ASZ1: variants seen among roughly 807,000 people sequenced by gnomAD.
The protein encoded by ASZ1 is ankyrin repeat, SAM and basic leucine zipper domain containing 1.
A neutral mutation model predicts 61.8 loss-of-function variants in ASZ1; 67 were observed. The observed-to-expected ratio is 1.08, with a 90% confidence interval of 0.89 to 1.33. The LOEUF (loss-of-function observed/expected upper bound fraction) is 1.33. Ranked by LOEUF, ASZ1 falls within the 40% of genes most tolerant of loss-of-function variation. The pLI is 0.00. For synonymous variants in ASZ1, 193 were observed against 192.7 expected (o/e 1.00, Z -0.01); for missense variants, 577 against 554.5 (o/e 1.04, Z -0.41).
Position 117,405,137 on chromosome 7 carries a change from C to T in ASZ1, c.440+15026G>A, listed in dbSNP as rs1343889311. Among the ~76,000 whole-genome samples the T allele has an allele frequency of 2.6e-5, 4 of 152,130 alleles. No homozygotes were observed. In the East Asian group the frequency reaches 7.8e-4, roughly 30 times the overall value. On this transcript the variant is annotated intron_variant, in intron 4 of 12. Transcript: ENST00000284629. ...ACCTCTATGGACTCATCCCAGTCCT[C>T]TTCCTCCTTCCCACTAGAGCTCTCC...
intron 6 of ASZ1, among the ~76,000 whole-genome samples, chr7:117,383,562 A>C (rs1261062325): frequency 6.6e-6 from 1 of 152,028 alleles, no homozygotes; most frequent in Non-Finnish European, 1.5e-5. Context: ...GTGGCAAGAG[A>C]GTAATGAGCA....
At chr7:117,409,878 A>C (rs1475142054) in intron 4 of ASZ1, among the ~76,000 whole-genome samples, 4 of 151,760 alleles carry the variant, frequency 2.6e-5, no homozygotes, top group African/African-American at 7.2e-5. Context: ...GATTAGAATT[A>C]AGGAATGGAT....
intron 3 of ASZ1, among the ~76,000 whole-genome samples, chr7:117,421,298 G>T (rs1383167151): frequency 6.6e-6 from 1 of 151,800 alleles, no homozygotes; most frequent in Non-Finnish European, 1.5e-5. Flanking sequence ...CTGCAACCTC[G>T]AACTCCTGGG....
At chr7:117,394,193 C>T (rs995102129) in intron 4 of ASZ1, among the ~76,000 whole-genome samples, 1 of 152,108 alleles carries the variant, frequency 6.6e-6, no homozygotes, top group Non-Finnish European at 1.5e-5. Context: ...CAGCCTTGAC[C>T]TCCTGGGCTC....
At chr7:117,414,477 A>G (rs952220119) in intron 4 of ASZ1, among the ~76,000 whole-genome samples, 19 of 152,286 alleles carry the variant, frequency 1.2e-4, no homozygotes, top group African/African-American at 4.3e-4. Flanking sequence ...TCAAATGATA[A>G]AAATTTAATT....
At chr7:117,365,551 A>T (rs1211448703) in intron 12 of ASZ1, among the ~76,000 whole-genome samples, 3 of 152,240 alleles carry the variant, frequency 2.0e-5, no homozygotes, top group African/African-American at 7.2e-5. Context: ...ATAACCCTGA[A>T]GCAAATAGCT....
intron 10 of ASZ1, among the ~76,000 whole-genome samples, chr7:117,379,458 C>A (rs1018138733): frequency 9.9e-5 from 15 of 151,244 alleles, no homozygotes; most frequent in African/African-American, 3.4e-4. Context: ...TATTAATAAC[C>A]ATTGCTTGAC....
chr7:117,400,156 A>G (rs143417897), intron 4 of ASZ1, among the ~76,000 whole-genome samples: 2 of 152,348 alleles, frequency 1.3e-5, no homozygotes, highest in South Asian at 2.1e-4. Context: ...GGTATTATCT[A>G]ATCTTTTTAA....
intron 4 of ASZ1, 101 bp from the exon 5 acceptor site, chr7:117,385,910 A>G: frequency 1.1e-6 from 1 of 897,596 alleles, no homozygotes. Context: ...CTGCTTTGAA[A>G]ACGAAAAGAA....
intron 12 of ASZ1, among the ~76,000 whole-genome samples, chr7:117,366,761 G>T (rs891074779): frequency 2.0e-5 from 3 of 151,988 alleles, no homozygotes; most frequent in African/African-American, 7.2e-5. Flanking sequence ...AATTACAGGG[G>T]TATTTCATCC....
At chr7:117,386,691 T>A (rs773757853) in intron 4 of ASZ1, among the ~76,000 whole-genome samples, 2 of 152,126 alleles carry the variant, frequency 1.3e-5, no homozygotes, top group Non-Finnish European at 1.5e-5. Flanking sequence ...ACCAAGAAAG[T>A]TTTTATTGGT....
rs188704425 is a variant in ASZ1 at position 117,378,677 on chromosome 7, C to T, written c.1055+1261G>A. Among the ~76,000 whole-genome samples, 148 of 152,064 alleles carry T rather than the reference C, an allele frequency of 9.7e-4. 5 individuals are homozygous for T. Among genetic ancestry groups the T allele is most frequent in the Admixed American group, 8.2e-3 (125 of 15,266 alleles). On this transcript the variant is annotated intron_variant, in intron 10 of 12. Coordinates refer to ENST00000284629, the MANE Select transcript of ASZ1 (RefSeq NM_130768.3). The stretch of plus-strand genomic sequence containing the variant: ...ACAACCTAACAATTGTCCTCTTTGG[C>T]ATTTATCCCAGAGAAAGAAAATGTA...
chr7:117,389,649 C>T (rs922675203), intron 4 of ASZ1, among the ~76,000 whole-genome samples: 1 of 152,100 alleles, frequency 6.6e-6, no homozygotes, highest in Non-Finnish European at 1.5e-5. Flanking sequence ...TCTGGACAGG[C>T]AATTTCTCAA....
At chr7:117,385,968 CAAGT>C (rs1206300665) in intron 4 of ASZ1, among the ~76,000 whole-genome samples, 159 bp from the exon 5 acceptor site, 4 of 152,164 alleles carry the variant, frequency 2.6e-5, no homozygotes, top group African/African-American at 9.7e-5. Context: ...AACCTTCCTG[CAAGT>C]AAGTACAAGT....
chr7:117,405,033 GGCAA>G (rs1197045718), intron 4 of ASZ1, among the ~76,000 whole-genome samples: 3 of 152,036 alleles, frequency 2.0e-5, no homozygotes, highest in Non-Finnish European at 2.9e-5. Context: ...TTTCAGGCAG[GGCAA>G]GTCTTGAGGG....
At chr7:117,405,490 C>G (rs139952291) in intron 4 of ASZ1, among the ~76,000 whole-genome samples, 2 of 152,336 alleles carry the variant, frequency 1.3e-5, no homozygotes, top group African/African-American at 4.8e-5. Flanking sequence ...GTTGGATCTA[C>G]CCCCTGCACC....
chr7:117,424,488 T>C (rs1797158771), intron 2 of ASZ1, among the ~76,000 whole-genome samples: 1 of 152,200 alleles, frequency 6.6e-6, no homozygotes, highest in African/African-American at 2.4e-5. Flanking sequence ...TACCTATATC[T>C]CTATTACTGC....
Position 117,417,189 on chromosome 7 carries a change from A to C in ASZ1, c.440+2974T>G, listed in dbSNP as rs1440250810. Reference sequence around the variant, plus strand: ...AAGACTACTGATCCCGTATTAGTTAAAAAAAAAAAGTTAGAAGCCAACTTT... The same window carrying C: ...AAGACTACTGATCCCGTATTAGTTACAAAAAAAAAGTTAGAAGCCAACTTT... On this transcript the variant is annotated intron_variant, in intron 4 of 12. Transcript: ENST00000284629. Among the ~76,000 whole-genome samples the C allele has an allele frequency of 2.7e-5, 4 of 148,994 alleles. No homozygotes were observed. The East Asian group carries it at 7.8e-4, about 29-fold the overall frequency.
intron 2 of ASZ1, 114 bp from the exon 3 acceptor site, chr7:117,422,473 C>T: frequency 8.2e-7 from 1 of 1,217,956 alleles, no homozygotes; most frequent in Non-Finnish European, 1.1e-6. Context: ...CTTTATTCCA[C>T]CATGGGAAGT....
Sources: allele counts gnomAD v4.1 joint callset (sites outside exome capture counted in the v4.1 genomes callset), GRCh38; gene constraint gnomAD v4.1.1; transcripts MANE v1.5; gene names NCBI Gene and HGNC (gene_info 2026-07-23, HGNC 2026-07-21).